Variants in DSCAM observed in about 807,000 individuals in gnomAD.
The protein encoded by DSCAM is DS cell adhesion molecule.
A neutral mutation model predicts 217.7 loss-of-function variants in DSCAM; 47 were observed. The observed-to-expected ratio is 0.22, with a 90% confidence interval of 0.17 to 0.28. The LOEUF (loss-of-function observed/expected upper bound fraction) is 0.28, where lower values mean the gene tolerates loss of function less well. DSCAM is among the 10% of genes least tolerant of loss of function. The pLI is 1.00. For synonymous variants in DSCAM, 1,056 were observed against 1,015.3 expected, an observed-to-expected ratio of 1.04 and a Z score of -0.76; for missense variants, 2,080 against 2,618.3, an observed-to-expected ratio of 0.79 and a Z score of 4.49.
chr21:40,695,423 G>A (rs1000218008), intron 2 of DSCAM, among the ~76,000 whole-genome samples: 1 of 152,130 alleles, frequency 6.6e-6, no homozygotes, highest in African/African-American at 2.4e-5. Flanking sequence ...GCTACCCACT[G>A]CCCTCACCAG....
chr21:40,125,214 T>C (rs1157479266), intron 19 of DSCAM, among the ~76,000 whole-genome samples: 2 of 152,208 alleles, frequency 1.3e-5, no homozygotes, highest in Non-Finnish European at 2.9e-5. Context: ...CAGAACATGG[T>C]GGCAGCAATA....
rs569814124 is a variant in DSCAM at position 40,717,871 on chromosome 21, T to C, written c.44-9100A>G. On this transcript the variant is annotated intron_variant, in intron 1 of 32. Transcript: ENST00000400454. ...AAAGTTTTGACAATGAACAATCAAT[T>C]TCCCAAATTGAAGTTTGAGAAAGTA... is the stretch of plus-strand genomic sequence containing the variant. Among the ~76,000 whole-genome samples the C allele has an allele frequency of 7.2e-5, 11 of 152,298 alleles. 1 individual carries two copies. The highest frequency in any genetic ancestry group is 2.4e-4 in the African/African-American group (10 of 41,556).
chr21:40,565,859 G>A (rs2076760145), intron 3 of DSCAM, among the ~76,000 whole-genome samples: 1 of 152,098 alleles, frequency 6.6e-6, no homozygotes, highest in Admixed American at 6.5e-5. Flanking sequence ...TTGTAAAATT[G>A]GACTCTTGTC....
intron 11 of DSCAM, among the ~76,000 whole-genome samples, chr21:40,256,404 C>CAGAGAGAGAGAGAG (rs148333628): frequency 4.3e-4 from 64 of 147,796 alleles, no homozygotes; most frequent in African/African-American, 1.4e-3. Flanking sequence ...GAGAGACAGA[C>CAGAGAGAGAGAGAG]AGAGAGAGAG....
intron 18 of DSCAM, among the ~76,000 whole-genome samples, chr21:40,137,340 T>C (rs1267805782): frequency 6.6e-6 from 1 of 152,014 alleles, no homozygotes; most frequent in Admixed American, 6.5e-5. Context: ...ATCCCAATTT[T>C]AAGATTTCTA....
intron 1 of DSCAM, among the ~76,000 whole-genome samples, chr21:40,835,705 A>G (rs570492381): frequency 2.0e-5 from 3 of 152,308 alleles, no homozygotes; most frequent in Admixed American, 2.0e-4. Context: ...CAGGACACAA[A>G]AAGGTATTTT....
chr21:40,671,017 A>C (rs765575090), intron 3 of DSCAM, among the ~76,000 whole-genome samples: 47 of 152,234 alleles, frequency 3.1e-4, no homozygotes, highest in Admixed American at 1.3e-4. Context: ...TAAAGGCAGG[A>C]CCTAAAAAGA....
At chr21:40,343,742 G>A (rs1159882043) in intron 6 of DSCAM, among the ~76,000 whole-genome samples, 4 of 152,016 alleles carry the variant, frequency 2.6e-5, no homozygotes, top group East Asian at 1.9e-4. Flanking sequence ...TATGTGAAAT[G>A]TAAGAACCCT....
intron 11 of DSCAM, among the ~76,000 whole-genome samples, chr21:40,258,474 G>C (rs1387164004): frequency 1.3e-5 from 2 of 152,194 alleles, no homozygotes; most frequent in African/African-American, 4.8e-5. Context: ...GTATTTATCT[G>C]TGTAAAAAGT....
chr21:40,441,385 C>G (rs533227711), intron 3 of DSCAM, among the ~76,000 whole-genome samples: 1 of 152,254 alleles, frequency 6.6e-6, no homozygotes, highest in South Asian at 2.1e-4. Flanking sequence ...TTGTCATGTG[C>G]CTCTAACAAG....
At chr21:40,202,615 G>A (rs182186137) in intron 11 of DSCAM, among the ~76,000 whole-genome samples, 353 of 152,330 alleles carry the variant, frequency 2.3e-3, no homozygotes, top group Non-Finnish European at 4.0e-3. Context: ...GGTGTCCCAG[G>A]GATCTCCTCT....
chr21:40,321,501 T>C (rs73902152), intron 8 of DSCAM, among the ~76,000 whole-genome samples: 3,275 of 152,332 alleles, frequency 0.021, 110 homozygotes, highest in African/African-American at 0.075. Flanking sequence ...AGTGTGCTGC[T>C]ATGTATTGTC....
At chr21:40,690,240 T>G (rs2090524696) in intron 3 of DSCAM, among the ~76,000 whole-genome samples, 1 of 152,240 alleles carries the variant, frequency 6.6e-6, no homozygotes, top group South Asian at 2.1e-4. Flanking sequence ...GAACAGGGTC[T>G]GACTGTAGCA....
At chr21:40,685,948 CAAAAACAAAAACAGAG>C (rs2090468172) in intron 3 of DSCAM, among the ~76,000 whole-genome samples, 1 of 150,560 alleles carries the variant, frequency 6.6e-6, no homozygotes, top group South Asian at 2.1e-4. Context: ...AAAACAAAAA[CAAAAACAAAAACAGAG>C]AGAGATAGAA....
At chr21:40,224,260 C>T (rs1042938039) in intron 11 of DSCAM, among the ~76,000 whole-genome samples, 3 of 152,114 alleles carry the variant, frequency 2.0e-5, no homozygotes, top group Non-Finnish European at 4.4e-5. Context: ...CTATTTCAAA[C>T]AAGATCTGGT....
intron 3 of DSCAM, among the ~76,000 whole-genome samples, chr21:40,538,037 A>T (rs980212085): frequency 6.6e-6 from 1 of 152,194 alleles, no homozygotes; most frequent in African/African-American, 2.4e-5. Context: ...GTGAGTGAGC[A>T]GTGGAGCAAG....
chr21:40,516,013 CTAATTTGGATTTTA>C (rs1345457545), intron 3 of DSCAM, among the ~76,000 whole-genome samples: 2 of 151,924 alleles, frequency 1.3e-5, no homozygotes, highest in East Asian at 3.9e-4. Context: ...ATGTGTGCCA[CTAATTTGGATTTTA>C]ACATCCAGTG....
intron 15 of DSCAM, among the ~76,000 whole-genome samples, chr21:40,171,286 C>T (rs1388424623): frequency 2.0e-5 from 3 of 152,016 alleles, no homozygotes; most frequent in South Asian, 2.1e-4. Context: ...CCATGTTGCC[C>T]AGGCTGGTCT....
At chr21:40,365,667 ATCT>A (rs1222322680) in intron 4 of DSCAM, among the ~76,000 whole-genome samples, 5 of 152,038 alleles carry the variant, frequency 3.3e-5, no homozygotes, top group Non-Finnish European at 5.9e-5. Flanking sequence ...AGAGTTGCTC[ATCT>A]TCTCGGAGTT....
Sources: allele counts gnomAD v4.1 joint callset (sites outside exome capture counted in the v4.1 genomes callset), GRCh38; gene constraint gnomAD v4.1.1; transcripts MANE v1.5; gene names NCBI Gene and HGNC (gene_info 2026-07-23, HGNC 2026-07-21).